Variants in KDM5C observed in about 807,000 individuals in gnomAD.
The protein encoded by KDM5C is lysine demethylase 5C.
In KDM5C, 16 loss-of-function variants were observed where a neutral mutation model predicts 110.6. The observed-to-expected ratio is 0.14, with a 90% CI of 0.10 to 0.22. The LOEUF is 0.22. Ranked by LOEUF, KDM5C falls within the 10% of genes least tolerant of loss-of-function variation. KDM5C has a pLI of 1.00. For missense variants in KDM5C, 681 were observed against 1,300.9 expected (o/e 0.52, Z 7.33); for synonymous variants, 511 against 520.4 (o/e 0.98, Z 0.24).
intron 25 of KDM5C, among the ~76,000 whole-genome samples, chrX:53,181,979 A>G (rs1236243501): frequency 1.2e-4 from 13 of 109,492 alleles, no homozygotes; most frequent in Non-Finnish European, 2.5e-4. Context: ...TAGTAGAGAC[A>G]GGGTTTCACT....
chrX:53,204,817 A>G (rs2073273678), intron 12 of KDM5C, among the ~76,000 whole-genome samples: 1 of 111,898 alleles, frequency 8.9e-6, no homozygotes, highest in Non-Finnish European at 1.9e-5. Context: ...TTATACAGAC[A>G]TGAACCAATC....
At chrX:53,190,288 T>C (rs1199277999), downstream of KDM5C, among the ~76,000 whole-genome samples, 3 of 112,636 alleles carry the variant, frequency 2.7e-5, no homozygotes, top group Non-Finnish European at 3.8e-5. Flanking sequence ...ATGGAATGCA[T>C]GTCTGCTGTG....
At position 53,180,688 on chromosome X, in the gene KDM5C, G is replaced by A. The variant is rs367614597; in HGVS notation, c.4309-4066C>T. 3.9e-5 allele frequency among the ~76,000 whole-genome samples: 4 copies of A among 102,345 alleles called. No homozygotes were observed. The East Asian group carries it at 9.1e-4, about 23-fold the overall frequency. 88.9% of individuals were successfully genotyped at this position (102,345 alleles called of 115,157 possible). ...AGCGATTATCTTGCCTCAGCCACCC[G>A]AGTAGCTGGGATTACCACCACCACA... On this transcript the variant is annotated intron_variant, in intron 25 of 25. Coordinates refer to the KDM5C transcript ENST00000685641.
chrX:53,207,980 A>G (rs1295733436), intron 12 of KDM5C, among the ~76,000 whole-genome samples: 1 of 108,526 alleles, frequency 9.2e-6, no homozygotes, highest in African/African-American at 3.3e-5. Flanking sequence ...AAAAAAAAAA[A>G]AAAAAAAAAA....
At position 53,192,869 on chromosome X, in the gene KDM5C, A is replaced by AAACCCC; in HGVS notation, c.*97_*98insGGGGTT. The AAACCCC allele has an allele frequency of 1.1e-5, 2 of 179,885 alleles. No homozygotes were observed. Among genetic ancestry groups the AAACCCC allele is most frequent in the Non-Finnish European group, 1.8e-5 (2 of 112,552 alleles). The allele number at this position is 179,885 out of a possible 1,213,427, so 14.8% of individuals were successfully genotyped here. On this transcript the variant is annotated 3_prime_UTR_variant, in exon 26 of 26. Transcript: ENST00000375401. ...GGGTAGCAGGGATGGCCACCCCCCT[A>AAACCCC]CCCGCCCACCCCCCAAGAAGCAGGC... is the stretch of plus-strand genomic sequence containing the variant.
At chrX:53,187,718 T>C (rs1934264177), downstream of KDM5C, among the ~76,000 whole-genome samples, 2 of 110,633 alleles carry the variant, frequency 1.8e-5, no homozygotes, top group South Asian at 3.9e-4. Flanking sequence ...CTGGGCAATA[T>C]AGTAAGATCT....
Position 53,201,799 on chromosome X carries a change from G to C in KDM5C, c.1866+55C>G, listed in dbSNP as rs1392761175. ...CAAGTCTGGAGGCCATGATGCCCCA[G>C]CTTCTCTACAACCCTCCTGCTTCTC... On this transcript the variant is annotated intron_variant, in intron 13 of 25. Coordinates refer to ENST00000375401, the MANE Select transcript of KDM5C (RefSeq NM_004187.5). 2.5e-6 allele frequency: 3 copies of C among 1,209,178 alleles called. No individual in the cohort carries two copies. The African/African-American group carries it at 5.3e-5, about 21-fold the overall frequency.
chrX:53,218,020 G>C, intron 3 of KDM5C, 54 bp from the exon 4 acceptor site: 2 of 1,153,528 alleles, frequency 1.7e-6, no homozygotes, highest in Middle Eastern at 2.4e-4. Context: ...TTATATGTGA[G>C]GGAGTAGGCC....
At position 53,194,163 on chromosome X, in the gene KDM5C, C is replaced by G; in HGVS notation, c.4014G>C (p.Glu1338Asp). ...PAAPASDPLR[E>D]GSGKDMPKVQ... ...CCTTAGGCATATCCTTGCCACTGCC[C>G]TCTCTGAGGGGGTCAGAAGCAGGGG... Residue 1338 changes from glutamate to aspartate, a missense_variant, in exon 23 of 26, where the codon GAG (glutamate) becomes GAC (aspartate). Coordinates refer to ENST00000375401, the MANE Select transcript of KDM5C (RefSeq NM_004187.5). 1 of 1,205,252 alleles carries G rather than the reference C, an allele frequency of 8.3e-7. No homozygotes were observed. The highest frequency in any genetic ancestry group is 1.8e-5 in the South Asian group (1 of 55,850).
In KDM5C at chrX:53,218,366, G is replaced by A. The variant is rs781803586; in HGVS notation, c.261C>T (p.Asp87=). ...AQTRVKLNYL[D]QIAKFWEIQG... is the part of the protein sequence containing the mutation. Reference sequence around the variant, plus strand: ...GGATTTCCCAGAATTTGGCAATCTGGTCCAAGTAGTTCAGTTTCACTCTCG... The same window carrying A: ...GGATTTCCCAGAATTTGGCAATCTGATCCAAGTAGTTCAGTTTCACTCTCG... Residue 87 remains aspartate (D), a synonymous_variant, in exon 3 of 26, where the codon GAC becomes GAT. Transcript: ENST00000375401. The A allele has an allele frequency of 3.1e-5, 38 of 1,209,005 alleles. No homozygotes were observed. In the Admixed American group the frequency reaches 7.2e-4, roughly 23 times the overall value.
Position 53,192,852 on chromosome X carries a change from G to T in KDM5C, c.*115C>A. 3 of 932,577 alleles carry T rather than the reference G, an allele frequency of 3.2e-6. No homozygotes were observed. Among genetic ancestry groups the T allele is most frequent in the South Asian group, 2.4e-5 (1 of 42,551 alleles). 76.9% of individuals were successfully genotyped at this position (932,577 alleles called of 1,213,427 possible). A position where few individuals can be genotyped will look rare whatever the true frequency, so the allele number is the denominator to read the frequency against. ...GGGACTCAGGGGTGGGCGGGTAGCAGGGATGGCCACCCCCCTACCCGCCCA... is the reference window on the plus strand; with the variant it reads ...GGGACTCAGGGGTGGGCGGGTAGCATGGATGGCCACCCCCCTACCCGCCCA... On this transcript the variant is annotated 3_prime_UTR_variant, in exon 26 of 26. Transcript: ENST00000375401.
chrX:53,192,831 C>T lies in KDM5C; in HGVS notation c.*136G>A. Reference sequence around the variant, plus strand: ...GAGTCAGAATACAAAAGTCAAGGGACTCAGGGGTGGGCGGGTAGCAGGGAT... The same window carrying T: ...GAGTCAGAATACAAAAGTCAAGGGATTCAGGGGTGGGCGGGTAGCAGGGAT... On this transcript the variant is annotated 3_prime_UTR_variant, in exon 26 of 26. Coordinates refer to ENST00000375401, the MANE Select transcript of KDM5C (RefSeq NM_004187.5). 1.8e-6 allele frequency: 2 copies of T among 1,090,905 alleles called. No individual in the cohort carries two copies. The highest frequency in any genetic ancestry group is 1.2e-6 in the Non-Finnish European group (1 of 815,046). The allele number at this position is 1,090,905 out of a possible 1,213,427, so 89.9% of individuals were successfully genotyped here.
At chrX:53,183,991 T>C (rs1449048321) in intron 25 of KDM5C, among the ~76,000 whole-genome samples, 1 of 112,259 alleles carries the variant, frequency 8.9e-6, no homozygotes, top group Non-Finnish European at 1.9e-5. Context: ...TCTATGAACA[T>C]GAGATGCCTT....
At chrX:53,210,032 T>C (rs1556847926) in intron 12 of KDM5C, among the ~76,000 whole-genome samples, 1 of 112,247 alleles carries the variant, frequency 8.9e-6, no homozygotes, top group African/African-American at 3.2e-5. Context: ...ATTTCCCAGT[T>C]TTCCCTGCAG....
At chrX:53,205,186 G>A (rs2073286993) in intron 12 of KDM5C, among the ~76,000 whole-genome samples, 1 of 111,856 alleles carries the variant, frequency 8.9e-6, no homozygotes, top group Admixed American at 9.5e-5. Flanking sequence ...CAGTGAAGTA[G>A]GTACAGTGCC....
At chrX:53,216,484 A>T (rs1463504087) in intron 5 of KDM5C, among the ~76,000 whole-genome samples, 2 of 112,405 alleles carry the variant, frequency 1.8e-5, no homozygotes, top group African/African-American at 6.5e-5. Context: ...TAGGGACAAT[A>T]CATATGAAAA....
Position 53,195,215 on chromosome X carries a change from A to G in KDM5C, c.3300+16T>C, listed in dbSNP as rs1556835840. 8.4e-7 allele frequency: 1 copy of G among 1,195,236 alleles called. No homozygotes were observed. Among genetic ancestry groups the G allele is most frequent in the Non-Finnish European group, 1.1e-6 (1 of 885,748 alleles). On this transcript the variant is annotated intron_variant, in intron 21 of 25. Transcript: ENST00000375401. ...AGGCGTTAAGAGACGCTGTAGGTCA[A>G]GGTCCCAGGCCTCACCTCCAGCAGC...
chrX:53,185,101 A>AAAT (rs1934180358), intron 25 of KDM5C, among the ~76,000 whole-genome samples: 1 of 112,311 alleles, frequency 8.9e-6, no homozygotes, highest in South Asian at 3.7e-4. Flanking sequence ...GGACTTTGAG[A>AAAT]AATACACTGT....
intron 14 of KDM5C, among the ~76,000 whole-genome samples, chrX:53,200,989 TTCAA>T (rs782204444): frequency 1.8e-5 from 2 of 112,741 alleles, no homozygotes; most frequent in African/African-American, 6.4e-5. Context: ...CATTCCAAAT[TTCAA>T]TCAGTTTCTT....
Sources: gnomAD v4.1 joint callset for allele counts (sites outside exome capture counted in the v4.1 genomes callset) on GRCh38, gnomAD v4.1.1 for gene constraint, MANE v1.5 for transcripts, NCBI Gene and HGNC (gene_info 2026-07-23, HGNC 2026-07-21) for gene names.